The following SNTG2 variants were observed in gnomAD, a reference collection of about 807,000 sequenced individuals.
SNTG2 encodes the protein gamma-2-syntrophin.
A neutral mutation model predicts 70.9 loss-of-function variants in SNTG2; 74 were observed. The observed-to-expected ratio is 1.04, with a 90% CI of 0.86 to 1.27. The LOEUF (loss-of-function observed/expected upper bound fraction) is 1.27, where lower values mean the gene tolerates loss of function less well. Among genes scored for constraint, SNTG2 ranks in the 50% most tolerant of loss-of-function variants. SNTG2 has a pLI of 0.00. For missense variants in SNTG2, 717 were observed against 690.7 expected (o/e 1.04, Z -0.43); for synonymous variants, 278 against 273.8 (o/e 1.02, Z -0.15).
At chr2:1,244,198 T>C (rs1159992278) in intron 11 of SNTG2, among the ~76,000 whole-genome samples, 4 of 152,232 alleles carry the variant, frequency 2.6e-5, no homozygotes, top group Non-Finnish European at 5.9e-5. Flanking sequence ...TCGTGAATTT[T>C]AAAGACTCTC....
At chr2:992,346 C>A (rs1661526683) in intron 1 of SNTG2, among the ~76,000 whole-genome samples, 1 of 151,994 alleles carries the variant, frequency 6.6e-6, no homozygotes, top group Non-Finnish European at 1.5e-5. Flanking sequence ...TGATAAATAT[C>A]CCTACTGAAG....
intron 14 of SNTG2, among the ~76,000 whole-genome samples, chr2:1,281,997 G>T (rs1679569792): frequency 6.6e-6 from 1 of 152,184 alleles, no homozygotes; most frequent in Admixed American, 6.5e-5. Flanking sequence ...AAAATCTCCT[G>T]ACTCTGAAAA....
chr2:1,195,987 C>T (rs1313703058), intron 8 of SNTG2, among the ~76,000 whole-genome samples: 1 of 152,052 alleles, frequency 6.6e-6, no homozygotes, highest in African/African-American at 2.4e-5. Context: ...TAAAGGCCTA[C>T]AGTATATAAT....
At chr2:955,044 A>C (rs1660097591) in intron 1 of SNTG2, among the ~76,000 whole-genome samples, 1 of 152,242 alleles carries the variant, frequency 6.6e-6, no homozygotes, top group African/African-American at 2.4e-5. Flanking sequence ...TGTTCTAAAC[A>C]TTTGTAAAAT....
At position 1,005,171 on chromosome 2, in the gene SNTG2, C is replaced by T. The variant is rs143770075; in HGVS notation, c.72+54103C>T. Among the ~76,000 whole-genome samples, 320 of 152,120 alleles carry T rather than the reference C, an allele frequency of 2.1e-3. 2 individuals carry two copies. Among genetic ancestry groups the T allele is most frequent in the African/African-American group, 7.1e-3 (294 of 41,520 alleles). On this transcript the variant is annotated intron_variant, in intron 1 of 16. Coordinates refer to ENST00000308624, the MANE Select transcript of SNTG2 (RefSeq NM_018968.4). Reference sequence around the variant, plus strand: ...AGTAAAGAGATCATGGATTGTGGGGCGGGAGGGGTGAACAGGTGGAGCACC... The same window carrying T: ...AGTAAAGAGATCATGGATTGTGGGGTGGGAGGGGTGAACAGGTGGAGCACC...
At chr2:1,317,671 T>C (rs372004570) in intron 16 of SNTG2, among the ~76,000 whole-genome samples, 18 of 48,304 alleles carry the variant, frequency 3.7e-4, no homozygotes, top group South Asian at 1.5e-3. Flanking sequence ...TAGCATCAGG[T>C]CAGCATTGGA....
At chr2:1,065,970 C>T (rs1157123385) in intron 1 of SNTG2, among the ~76,000 whole-genome samples, 10 of 152,146 alleles carry the variant, frequency 6.6e-5, no homozygotes, top group Admixed American at 6.5e-4. Context: ...CTTTATATAG[C>T]AGTCACTTAG....
intron 8 of SNTG2, among the ~76,000 whole-genome samples, chr2:1,196,629 A>G (rs1055957438): frequency 1.3e-4 from 20 of 152,196 alleles, no homozygotes; most frequent in Admixed American, 1.0e-3. Context: ...ACAGCAAGAG[A>G]AAAGTAGCAA....
At chr2:1,306,685 A>AGGGTGTGTGTGT (rs1553276236) in intron 14 of SNTG2, among the ~76,000 whole-genome samples, 1 of 149,006 alleles carries the variant, frequency 6.7e-6, no homozygotes, top group Non-Finnish European at 1.5e-5. Context: ...CCAGGGTGTG[A>AGGGTGTGTGTGT]GTGTGTGTGT....
In SNTG2 at chr2:1,116,122, G is replaced by T. The variant is rs192784534; in HGVS notation, c.325+17712G>T. Among the ~76,000 whole-genome samples, 335 of 152,324 alleles carry T rather than the reference G, an allele frequency of 2.2e-3. 4 individuals are homozygous for T. Among genetic ancestry groups the T allele is most frequent in the South Asian group, 4.1e-4 (2 of 4,822 alleles). On this transcript the variant is annotated intron_variant, in intron 4 of 16. Transcript: ENST00000308624. The stretch of plus-strand genomic sequence containing the variant: ...TCACGTACACAATGGGGATGTAATC[G>T]TAGGTGGTTGGATGTGGCGTCTTCA...
chr2:1,064,556 A>T (rs188910492), intron 1 of SNTG2, among the ~76,000 whole-genome samples: 11 of 152,114 alleles, frequency 7.2e-5, no homozygotes, highest in Admixed American at 4.6e-4. Context: ...GAGTTACTAA[A>T]ATTAAATTAT....
intron 1 of SNTG2, among the ~76,000 whole-genome samples, chr2:969,380 GT>G (rs35978804): frequency 6.6e-6 from 1 of 151,714 alleles, no homozygotes; most frequent in Non-Finnish European, 1.5e-5. Flanking sequence ...TTTTATAATA[GT>G]TTTTTTTCTA....
At chr2:1,082,797 G>A (rs767285215) in intron 1 of SNTG2, among the ~76,000 whole-genome samples, 1 of 152,230 alleles carries the variant, frequency 6.6e-6, no homozygotes, top group African/African-American at 2.4e-5. Flanking sequence ...TGACTCTCCC[G>A]GAGGAGGAGG....
chr2:1,231,768 G>C (rs903978601), intron 9 of SNTG2, among the ~76,000 whole-genome samples: 1 of 152,164 alleles, frequency 6.6e-6, no homozygotes, highest in African/African-American at 2.4e-5. Context: ...CCACCTTCCC[G>C]TGACAAACCC....
chr2:1,032,373 A>G (rs1660888315), intron 1 of SNTG2, among the ~76,000 whole-genome samples: 1 of 152,188 alleles, frequency 6.6e-6, no homozygotes, highest in South Asian at 2.1e-4. Context: ...AAACGAAACT[A>G]CACACACGCA....
chr2:1,309,566 C>T (rs1680877471), intron 15 of SNTG2, among the ~76,000 whole-genome samples: 1 of 152,224 alleles, frequency 6.6e-6, no homozygotes, highest in Non-Finnish European at 1.5e-5. Flanking sequence ...GGGTGGAGCC[C>T]AGGGATGCCG....
chr2:1,207,440 A>T (rs1316540452), intron 8 of SNTG2, among the ~76,000 whole-genome samples: 1 of 152,056 alleles, frequency 6.6e-6, no homozygotes, highest in African/African-American at 2.4e-5. Context: ...GCCTTCAGAC[A>T]CATCTGTAGA....
intron 8 of SNTG2, among the ~76,000 whole-genome samples, chr2:1,196,273 A>T (rs1163364506): frequency 1.3e-5 from 2 of 152,216 alleles, no homozygotes; most frequent in Non-Finnish European, 2.9e-5. Flanking sequence ...GATCAAGCAA[A>T]ATAATGAATT....
chr2:1,021,536 A>G (rs865901864), intron 1 of SNTG2, among the ~76,000 whole-genome samples: 2 of 152,012 alleles, frequency 1.3e-5, no homozygotes, highest in Non-Finnish European at 2.9e-5. Flanking sequence ...GTTTAAATAT[A>G]TTTTTTAATA....
Sources: allele counts gnomAD v4.1 joint callset (sites outside exome capture counted in the v4.1 genomes callset), GRCh38; gene constraint gnomAD v4.1.1; transcripts MANE v1.5; gene names NCBI Gene and HGNC (gene_info 2026-07-23, HGNC 2026-07-21).